Variants in LARGE1 observed in about 807,000 individuals in gnomAD.
The protein encoded by LARGE1 is LARGE xylosyl- and glucuronyltransferase 1.
In LARGE1, 43 loss-of-function variants were observed where a neutral mutation model predicts 87.6. That is an observed-to-expected ratio of 0.49 (90% CI 0.38 to 0.63). The LOEUF (loss-of-function observed/expected upper bound fraction) is 0.63. Among genes scored for constraint, LARGE1 ranks in the 30% least tolerant of loss-of-function variants. The probability of loss-of-function intolerance (pLI) is 0.00; values close to 1 mark genes in which losing one functional copy is unlikely to be tolerated. For synonymous variants in LARGE1, 434 were observed against 394.6 expected, an observed-to-expected ratio of 1.10 and a Z score of -1.18; for missense variants, 802 against 1,000.2, an observed-to-expected ratio of 0.80 and a Z score of 2.67.
intron 1 of LARGE1, among the ~76,000 whole-genome samples, chr22:33,798,452 A>T (rs1257452716): frequency 1.3e-5 from 2 of 152,240 alleles, no homozygotes; most frequent in African/African-American, 4.8e-5. Context: ...CAAGTTAAAA[A>T]GGAACACAGT....
the LARGE1 span, among the ~76,000 whole-genome samples, chr22:33,102,754 G>A: frequency 6.6e-6 from 1 of 152,082 alleles, no homozygotes; most frequent in South Asian, 2.1e-4. Flanking sequence ...GCTTTCCAAA[G>A]TGCTGGGATT....
chr22:33,324,228 C>CAAAAAA lies in LARGE1; in HGVS notation c.1288-7986_1288-7981dup, dbSNP rs1161508287. Among the ~76,000 whole-genome samples the CAAAAAA allele has an allele frequency of 2.0e-3, 21 of 10,738 alleles. 1 individual carries two copies. Among genetic ancestry groups the CAAAAAA allele is most frequent in the African/African-American group, 3.9e-3 (13 of 3,358 alleles). The allele number at this position is 10,738 out of a possible 152,430, so 7.0% of individuals were successfully genotyped here. ...TGGGCAACAGACCAAGACTCCATCTCAAAAAAAAAAAAAAAAAAAAAAAAA... is the reference window on the plus strand; with the variant it reads ...TGGGCAACAGACCAAGACTCCATCTCAAAAAAAAAAAAAAAAAAAAAAAAAAAAAAA... On this transcript the variant is annotated intron_variant, in intron 10 of 14. Transcript: ENST00000397394.
intron 1 of LARGE1, among the ~76,000 whole-genome samples, chr22:33,775,856 A>G (rs1186646922): frequency 1.3e-5 from 2 of 151,626 alleles, no homozygotes; most frequent in African/African-American, 4.8e-5. Flanking sequence ...TGTCTTAAAA[A>G]AAAAAAAAAA....
intron 5 of LARGE1, among the ~76,000 whole-genome samples, chr22:33,599,990 C>T (rs921384630): frequency 2.0e-5 from 3 of 152,158 alleles, no homozygotes; most frequent in Non-Finnish European, 4.4e-5. Context: ...TGGGCTGGTG[C>T]AAATGTTGCT....
At chr22:33,525,936 A>G (rs2071869988) in intron 6 of LARGE1, among the ~76,000 whole-genome samples, 1 of 152,244 alleles carries the variant, frequency 6.6e-6, no homozygotes, top group Non-Finnish European at 1.5e-5. Context: ...TCCTAGGAAT[A>G]TACTCAAGAG....
chr22:33,565,913 C>T (rs575930169), intron 5 of LARGE1, among the ~76,000 whole-genome samples: 42 of 152,292 alleles, frequency 2.8e-4, no homozygotes, highest in Middle Eastern at 3.4e-3. Context: ...CATCTATGCA[C>T]AGTCATTTAT....
At chr22:33,631,620 G>C (rs1454309431) in intron 3 of LARGE1, among the ~76,000 whole-genome samples, 1 of 151,994 alleles carries the variant, frequency 6.6e-6, no homozygotes, top group Admixed American at 6.6e-5. Context: ...CATCTCCTGC[G>C]ACAGCAAGGC....
chr22:33,270,729 G>T (rs1015341790), downstream of LARGE1, among the ~76,000 whole-genome samples: 6 of 152,144 alleles, frequency 3.9e-5, no homozygotes, highest in Non-Finnish European at 8.8e-5. Flanking sequence ...CTCCCTAAAG[G>T]CCTGGTGACC....
chr22:33,216,282 T>C (rs1403256635), intron 11 of LARGE1, among the ~76,000 whole-genome samples: 1 of 151,852 alleles, frequency 6.6e-6, no homozygotes, highest in African/African-American at 2.4e-5. Context: ...AAATCAACAG[T>C]GTTGGGAGGT....
the LARGE1 span, among the ~76,000 whole-genome samples, chr22:33,141,641 A>G: frequency 3.9e-5 from 6 of 152,154 alleles, no homozygotes; most frequent in Non-Finnish European, 5.9e-5. Flanking sequence ...ACAATATGAA[A>G]TGGTATTGGC....
intron 2 of LARGE1, among the ~76,000 whole-genome samples, chr22:33,758,564 C>T (rs922732014): frequency 1.3e-5 from 2 of 152,192 alleles, no homozygotes; most frequent in Admixed American, 6.5e-5. Context: ...AGCACCTACA[C>T]CCAGTCTGTC....
chr22:33,537,948 T>C (rs1398317816), intron 6 of LARGE1, among the ~76,000 whole-genome samples: 1 of 152,126 alleles, frequency 6.6e-6, no homozygotes, highest in African/African-American at 2.4e-5. Context: ...ATCCAGCCTA[T>C]CACAGGTAGA....
In LARGE1 at chr22:33,562,189, A is replaced by G. The variant is rs1011914133; in HGVS notation, c.787+2659T>C. ...GGCTTCTAATAGTTTGGTTTAGAAA[A>G]ACAATCACACACATACAAAAGTGAT... On this transcript the variant is annotated intron_variant, in intron 6 of 14. Coordinates refer to ENST00000397394, the MANE Select transcript of LARGE1 (RefSeq NM_133642.5). Among the ~76,000 whole-genome samples the G allele has an allele frequency of 2.0e-5, 3 of 152,232 alleles. No individual in the cohort carries two copies. In the East Asian group the frequency reaches 5.8e-4, roughly 29 times the overall value.
intron 6 of LARGE1, among the ~76,000 whole-genome samples, chr22:33,530,412 A>G (rs539090926): frequency 6.7e-6 from 1 of 150,344 alleles, no homozygotes; most frequent in East Asian, 2.0e-4. Flanking sequence ...AAGAAAACTC[A>G]CTGAAAGCTA....
intron 9 of LARGE1, among the ~76,000 whole-genome samples, chr22:33,356,385 G>A (rs111711278): frequency 1.8e-4 from 28 of 152,330 alleles, no homozygotes; most frequent in African/African-American, 6.3e-4. Context: ...CACATGATGT[G>A]AAGGTCAGGT....
At chr22:33,540,761 G>A (rs1052007046) in intron 6 of LARGE1, among the ~76,000 whole-genome samples, 3 of 151,926 alleles carry the variant, frequency 2.0e-5, no homozygotes, top group South Asian at 2.1e-4. Flanking sequence ...TATTCTTCAC[G>A]TGCTCCCCAG....
At chr22:33,297,464 T>A (rs552088771) in intron 12 of LARGE1, among the ~76,000 whole-genome samples, 1 of 149,570 alleles carries the variant, frequency 6.7e-6, no homozygotes, top group African/African-American at 2.5e-5. Flanking sequence ...ACAAAAAAAA[T>A]TAGCCAGGTG....
chr22:33,106,732 G>A, the LARGE1 span, among the ~76,000 whole-genome samples: 2 of 152,150 alleles, frequency 1.3e-5, no homozygotes, highest in Non-Finnish European at 2.9e-5. Context: ...CTGAAGTCAG[G>A]TGATCCACCC....
the LARGE1 span, among the ~76,000 whole-genome samples, chr22:33,076,756 G>A: frequency 6.6e-6 from 1 of 152,158 alleles, no homozygotes; most frequent in African/African-American, 2.4e-5. Flanking sequence ...CTTAAGATAA[G>A]CCATATAGCT....
Sources: allele counts gnomAD v4.1 joint callset (sites outside exome capture counted in the v4.1 genomes callset), GRCh38; gene constraint gnomAD v4.1.1; transcripts MANE v1.5; gene names NCBI Gene and HGNC (gene_info 2026-07-23, HGNC 2026-07-21).